CHP1: variants seen among roughly 807,000 people sequenced by gnomAD.
The protein encoded by CHP1 is calcineurin B homologous protein 1.
Under a neutral mutation model 27.4 loss-of-function variants are expected in CHP1, and 11 were observed. The observed-to-expected ratio is 0.40, with a 90% confidence interval of 0.25 to 0.67. The LOEUF (loss-of-function observed/expected upper bound fraction) is 0.67. Ranked by LOEUF, CHP1 falls within the 30% of genes least tolerant of loss-of-function variation. CHP1 has a pLI of 0.38. For synonymous variants in CHP1, 89 were observed against 87.4 expected (o/e 1.02, Z -0.10); for missense variants, 169 against 251.3 (o/e 0.67, Z 2.22).
Position 41,231,353 on chromosome 15 carries a change from G to A in CHP1, c.-30G>A. ...TCCTGTCGCCGTCTCTTCTGGCGCC[G>A]CTGCTCCCGGAGGAGCTCCCGGCAC... On this transcript the variant is annotated 5_prime_UTR_variant, in exon 1 of 7. Coordinates refer to ENST00000334660, the MANE Select transcript of CHP1 (RefSeq NM_007236.5). The A allele has an allele frequency of 6.3e-7, 1 of 1,579,448 alleles. No individual in the cohort carries two copies.
chr15:41,237,818 T>C (rs1003551464), intron 1 of CHP1, among the ~76,000 whole-genome samples: 1 of 152,104 alleles, frequency 6.6e-6, no homozygotes, highest in African/African-American at 2.4e-5. Flanking sequence ...CAAGGGATTC[T>C]CCCGCCTCAG....
Position 41,250,867 on chromosome 15 carries a change from G to T in CHP1, c.141-6043G>T, listed in dbSNP as rs1309827857. ...TTTTTTTGAGACAGAGTCTCGCTCT[G>T]TCACCAGGCTGGAGTGCAGAGGCAC... is the stretch of plus-strand genomic sequence containing the variant. On this transcript the variant is annotated intron_variant, in intron 2 of 6. Transcript: ENST00000334660. 2.0e-5 allele frequency among the ~76,000 whole-genome samples: 3 copies of T among 148,874 alleles called. No homozygotes were observed. In the East Asian group the frequency reaches 5.9e-4, roughly 29 times the overall value.
chr15:41,257,074 G>T lies in CHP1; in HGVS notation c.221+84G>T, dbSNP rs1006480414. ...CTAATCTGGAATAATGATATTGGTT[G>T]TGCCATCTCAGACTGTGATACCCCC... On this transcript the variant is annotated intron_variant, in intron 3 of 6. Coordinates refer to ENST00000334660, the MANE Select transcript of CHP1 (RefSeq NM_007236.5). 16 of 1,067,120 alleles carry T rather than the reference G, an allele frequency of 1.5e-5. No individual in the cohort carries two copies. In the South Asian group the frequency reaches 2.0e-4, roughly 13 times the overall value. The allele number at this position is 1,067,120 out of a possible 1,614,324, so 66.1% of individuals were successfully genotyped here.
chr15:41,235,540 A>T (rs922943477), intron 1 of CHP1, among the ~76,000 whole-genome samples: 10 of 151,636 alleles, frequency 6.6e-5, no homozygotes, highest in Non-Finnish European at 8.8e-5. Flanking sequence ...AAAAACAAAC[A>T]ACAACCACAA....
intron 2 of CHP1, among the ~76,000 whole-genome samples, chr15:41,253,590 G>T (rs2047382267): frequency 6.6e-6 from 1 of 151,616 alleles, no homozygotes. Flanking sequence ...GAGTAGCTGG[G>T]ACTACAGGTG....
At chr15:41,248,289 C>T (rs2140928321) in intron 2 of CHP1, among the ~76,000 whole-genome samples, 1 of 152,128 alleles carries the variant, frequency 6.6e-6, no homozygotes, top group African/African-American at 2.4e-5. Context: ...GCTAGGACTA[C>T]AGGCATGCAT....
intron 1 of CHP1, among the ~76,000 whole-genome samples, chr15:41,243,041 C>T (rs534295674): frequency 2.1e-4 from 32 of 150,786 alleles, no homozygotes; most frequent in African/African-American, 6.8e-4. Flanking sequence ...TCACAGCTTC[C>T]TTTTAAACTA....
At chr15:41,270,758 G>A in intron 5 of CHP1, 140 bp downstream of exon 5, 1 of 644,036 alleles carries the variant, frequency 1.6e-6, no homozygotes. Context: ...AGACAAAGGA[G>A]ATGACCTGGG....
intron 1 of CHP1, among the ~76,000 whole-genome samples, chr15:41,240,730 G>A (rs2047302154): frequency 7.0e-6 from 1 of 141,922 alleles, no homozygotes; most frequent in Admixed American, 7.3e-5. Flanking sequence ...TCCAGCCTGG[G>A]CAAGAAGAGC....
chr15:41,232,176 A>G (rs1246656635), intron 1 of CHP1, among the ~76,000 whole-genome samples: 2 of 151,940 alleles, frequency 1.3e-5, no homozygotes, highest in African/African-American at 2.4e-5. Flanking sequence ...ATGTGCTCCA[A>G]AAATCTCCGT....
chr15:41,253,635 T>C (rs1002557842), intron 2 of CHP1, among the ~76,000 whole-genome samples: 4 of 151,590 alleles, frequency 2.6e-5, no homozygotes, highest in Non-Finnish European at 4.4e-5. Context: ...TTTGTTTTTT[T>C]AGTAGAGACG....
chr15:41,271,298 G>C (rs1405340084), intron 5 of CHP1, among the ~76,000 whole-genome samples: 1 of 151,074 alleles, frequency 6.6e-6, no homozygotes, highest in Admixed American at 6.6e-5. Flanking sequence ...TGTGGTGGTG[G>C]GTGCCTGTAA....
intron 5 of CHP1, among the ~76,000 whole-genome samples, chr15:41,273,920 G>A (rs960441072): frequency 4.0e-5 from 6 of 151,260 alleles, no homozygotes; most frequent in African/African-American, 1.5e-4. Context: ...CAGCCTGGGC[G>A]ACAGAGCAAA....
intron 4 of CHP1, among the ~76,000 whole-genome samples, chr15:41,267,002 A>G (rs763451037): frequency 6.6e-6 from 1 of 151,664 alleles, no homozygotes; most frequent in Non-Finnish European, 1.5e-5. Context: ...TCCATCTCGA[A>G]AAAAAAAAGG....
Position 41,279,726 on chromosome 15 carries a change from C to G in CHP1, c.*337C>G, listed in dbSNP as rs1389069639. 3.8e-6 allele frequency: 1 copy of G among 261,654 alleles called. No individual in the cohort carries two copies. Among genetic ancestry groups the G allele is most frequent in the Non-Finnish European group, 7.3e-6 (1 of 137,390 alleles). 16.2% of individuals were successfully genotyped at this position (261,654 alleles called of 1,614,324 possible). A position where few individuals can be genotyped will look rare whatever the true frequency, so the allele number is the denominator to read the frequency against. ...ATGCCAAGAACAAGCCAGCAAAGCT[C>G]TTTCACCAGATGTAGACTGTAGCCC... On this transcript the variant is annotated 3_prime_UTR_variant, in exon 7 of 7. Transcript: ENST00000334660.
intron 3 of CHP1, among the ~76,000 whole-genome samples, chr15:41,260,118 C>T (rs2047424928): frequency 6.6e-6 from 1 of 151,676 alleles, no homozygotes; most frequent in Non-Finnish European, 1.5e-5. Flanking sequence ...CTATAGAGCA[C>T]AGAAGAGAAC....
intron 2 of CHP1, among the ~76,000 whole-genome samples, chr15:41,244,810 A>G (rs1027594896): frequency 1.1e-4 from 16 of 152,316 alleles, no homozygotes; most frequent in African/African-American, 3.6e-4. Context: ...CTTTACCATT[A>G]TCTCCCACAC....
chr15:41,248,514 C>T (rs2047347813), intron 2 of CHP1, among the ~76,000 whole-genome samples: 1 of 152,152 alleles, frequency 6.6e-6, no homozygotes. Flanking sequence ...AGTCCTCCCG[C>T]CATGGCCTCC....
chr15:41,252,927 GTTTTTTT>G (rs144891496), intron 2 of CHP1, among the ~76,000 whole-genome samples: 1 of 65,722 alleles, frequency 1.5e-5, no homozygotes, highest in Non-Finnish European at 2.7e-5. Flanking sequence ...ATTTCACATG[GTTTTTTT>G]TTTTTTTTTT....
Sources: gnomAD v4.1 joint callset for allele counts (sites outside exome capture counted in the v4.1 genomes callset) on GRCh38, gnomAD v4.1.1 for gene constraint, MANE v1.5 for transcripts, NCBI Gene and HGNC (gene_info 2026-07-23, HGNC 2026-07-21) for gene names.